The following CCNY variants were observed in gnomAD, a reference collection of about 807,000 sequenced individuals.
CCNY encodes the protein cyclin-Y.
In CCNY, 19 loss-of-function variants were observed where a neutral mutation model predicts 42.8. The observed-to-expected ratio is 0.44, with a 90% CI of 0.31 to 0.65. CCNY has a LOEUF of 0.65. Among genes scored for constraint, CCNY ranks in the 30% least tolerant of loss-of-function variants. The probability of loss-of-function intolerance (pLI) is 0.07; values close to 1 mark genes in which losing one functional copy is unlikely to be tolerated. For synonymous variants in CCNY, 165 were observed against 162.7 expected (o/e 1.01, Z -0.11); for missense variants, 370 against 437.3 (o/e 0.85, Z 1.37).
chr10:35,516,862 A>G (rs1229475787), intron 4 of CCNY, among the ~76,000 whole-genome samples: 1 of 151,890 alleles, frequency 6.6e-6, no homozygotes, highest in Non-Finnish European at 1.5e-5. Flanking sequence ...ATTTTTACAT[A>G]GTACTATTTA....
chr10:35,510,546 C>A (rs918337245), intron 3 of CCNY, among the ~76,000 whole-genome samples: 2 of 152,016 alleles, frequency 1.3e-5, no homozygotes, highest in Non-Finnish European at 2.9e-5. Context: ...TTTTTTGATC[C>A]TAACAAACCT....
chr10:35,433,034 G>T (rs541314374), intron 1 of CCNY, among the ~76,000 whole-genome samples: 109 of 152,104 alleles, frequency 7.2e-4, no homozygotes, highest in Non-Finnish European at 1.3e-3. Flanking sequence ...TGCATATGAG[G>T]TTAACATCTC....
rs537248339 is a variant in CCNY at position 35,257,474 on chromosome 10, T to C, written c.-9+6848T>C. Among the ~76,000 whole-genome samples, 4 of 152,208 alleles carry C rather than the reference T, an allele frequency of 2.6e-5. No homozygotes were observed. The South Asian group carries it at 8.3e-4, about 32-fold the overall frequency. Reference sequence around the variant, plus strand: ...CATTTTTTATCTGGGAAGGTCTTAATTTCTCCCTCACTTTTGAAGAACTGT... The same window carrying C: ...CATTTTTTATCTGGGAAGGTCTTAACTTCTCCCTCACTTTTGAAGAACTGT... On this transcript the variant is annotated intron_variant, in intron 3 of 11. Coordinates refer to the CCNY transcript ENST00000374706.
intron 3 of CCNY, among the ~76,000 whole-genome samples, chr10:35,291,012 T>C (rs976712604): frequency 7.0e-6 from 1 of 142,510 alleles, no homozygotes; most frequent in East Asian, 2.0e-4. Flanking sequence ...AAATATGACT[T>C]TTTTTTTTTT....
intron 1 of CCNY, among the ~76,000 whole-genome samples, chr10:35,342,172 C>T (rs1265177460): frequency 6.6e-6 from 1 of 152,162 alleles, no homozygotes; most frequent in Non-Finnish European, 1.5e-5. Flanking sequence ...AGAGTGGGGA[C>T]ACAGGGCAAT....
intron 3 of CCNY, among the ~76,000 whole-genome samples, chr10:35,304,306 T>A (rs578247141): frequency 0.013 from 1,391 of 107,806 alleles, 449 homozygotes; most frequent in African/African-American, 0.061. Flanking sequence ...TTTTTTTTTT[T>A]TTTTATTTTT....
At chr10:35,494,234 A>C (rs1419990824) in intron 2 of CCNY, among the ~76,000 whole-genome samples, 267 of 109,724 alleles carry the variant, frequency 2.4e-3, no homozygotes, top group Admixed American at 5.8e-3. Flanking sequence ...GCATAGTGAG[A>C]CCCCCCCCCC....
intron 7 of CCNY, among the ~76,000 whole-genome samples, chr10:35,539,241 C>T (rs569962642): frequency 6.6e-6 from 1 of 152,262 alleles, no homozygotes; most frequent in East Asian, 1.9e-4. Context: ...ATCCATGATC[C>T]TTGCATTTCC....
At chr10:35,534,064 C>T (rs554534877) in intron 7 of CCNY, among the ~76,000 whole-genome samples, 3 of 150,334 alleles carry the variant, frequency 2.0e-5, no homozygotes, top group Admixed American at 2.0e-4. Flanking sequence ...CTTTGTTGCT[C>T]AGGCTGGAGT....
At chr10:35,403,440 C>T (rs192761365) in intron 1 of CCNY, among the ~76,000 whole-genome samples, 64 of 152,192 alleles carry the variant, frequency 4.2e-4, no homozygotes, top group African/African-American at 1.3e-3. Flanking sequence ...AAAAACTGGC[C>T]GTGAGGGACA....
intron 1 of CCNY, among the ~76,000 whole-genome samples, chr10:35,462,361 A>G (rs769519438): frequency 1.1e-4 from 16 of 151,946 alleles, no homozygotes; most frequent in Non-Finnish European, 1.8e-4. Flanking sequence ...TTTCTCCTGT[A>G]TTTTGCTCCT....
chr10:35,528,470 G>A (rs910963), intron 5 of CCNY, among the ~76,000 whole-genome samples: 7,626 of 152,260 alleles, frequency 0.05, 556 homozygotes, highest in African/African-American at 0.16. Flanking sequence ...TTGGGAGGCC[G>A]AGGCAGGCGG....
At chr10:35,523,669 G>C (rs16936104) in intron 4 of CCNY, among the ~76,000 whole-genome samples, 2,747 of 152,246 alleles carry the variant, frequency 0.018, 68 homozygotes, top group African/African-American at 0.053. Context: ...TCGCCCATTC[G>C]GCAGAAGCCA....
intron 1 of CCNY, among the ~76,000 whole-genome samples, chr10:35,410,811 G>T (rs1448184758): frequency 2.0e-5 from 3 of 152,230 alleles, no homozygotes; most frequent in African/African-American, 7.2e-5. Flanking sequence ...TGGGTTTTGA[G>T]ACAGTAAGTC....
chr10:35,368,645 G>T (rs1163836102), intron 1 of CCNY, among the ~76,000 whole-genome samples: 4 of 137,570 alleles, frequency 2.9e-5, no homozygotes, highest in Non-Finnish European at 6.2e-5. Context: ...GGGGGTGTCA[G>T]CGCCTGGGTG....
intron 2 of CCNY, among the ~76,000 whole-genome samples, chr10:35,490,998 C>G (rs1402683314): frequency 6.6e-6 from 1 of 152,172 alleles, no homozygotes; most frequent in African/African-American, 2.4e-5. Flanking sequence ...AAAAGAATTG[C>G]AAAAACTACT....
chr10:35,418,495 C>T (rs987270040), intron 1 of CCNY, among the ~76,000 whole-genome samples: 4 of 152,180 alleles, frequency 2.6e-5, no homozygotes, highest in Non-Finnish European at 4.4e-5. Context: ...CCATGTCCTA[C>T]GGACAGAATT....
intron 1 of CCNY, among the ~76,000 whole-genome samples, chr10:35,372,334 C>T (rs1836955227): frequency 6.6e-6 from 1 of 152,162 alleles, no homozygotes; most frequent in Admixed American, 6.5e-5. Context: ...CATGGGCCAG[C>T]CTGAATTGTT....
intron 3 of CCNY, among the ~76,000 whole-genome samples, chr10:35,302,033 G>A (rs965311014): frequency 6.6e-6 from 1 of 151,538 alleles, no homozygotes; most frequent in Admixed American, 6.6e-5. Context: ...GCGTGATCTC[G>A]GCTCACTGCA....
Sources: allele counts gnomAD v4.1 joint callset (sites outside exome capture counted in the v4.1 genomes callset), GRCh38; gene constraint gnomAD v4.1.1; transcripts MANE v1.5; gene names NCBI Gene and HGNC (gene_info 2026-07-23, HGNC 2026-07-21).